Variants in PCDH7 observed in about 807,000 individuals in gnomAD.
PCDH7 encodes the protein protocadherin-7.
In PCDH7, 17 loss-of-function variants were observed where a neutral mutation model predicts 58.9. The observed-to-expected ratio is 0.29, with a 90% confidence interval of 0.20 to 0.43. The LOEUF (loss-of-function observed/expected upper bound fraction) is 0.43, where lower values mean the gene tolerates loss of function less well. PCDH7 is among the 20% of genes least tolerant of loss of function. PCDH7 has a pLI of 1.00. For synonymous variants in PCDH7, 664 were observed against 616.4 expected, an observed-to-expected ratio of 1.08 and a Z score of -1.14; for missense variants, 1,274 against 1,441.0, an observed-to-expected ratio of 0.88 and a Z score of 1.88.
intron 3 of PCDH7, among the ~76,000 whole-genome samples, chr4:31,056,737 G>A (rs779392784): frequency 4.0e-5 from 6 of 149,004 alleles, no homozygotes; most frequent in Middle Eastern, 3.5e-3. Context: ...AAAGAGAAAC[G>A]AAAGCAAAGA....
chr4:31,058,059 G>A (rs1757397697), intron 3 of PCDH7, among the ~76,000 whole-genome samples: 1 of 152,040 alleles, frequency 6.6e-6, no homozygotes, highest in African/African-American at 2.4e-5. Flanking sequence ...TGAAGTATCT[G>A]CTATAAAATA....
intron 3 of PCDH7, among the ~76,000 whole-genome samples, chr4:30,967,267 G>T (rs1749079231): frequency 6.6e-6 from 1 of 152,040 alleles, no homozygotes; most frequent in Non-Finnish European, 1.5e-5. Flanking sequence ...TATTTGGTTT[G>T]TATGAATTGT....
At chr4:31,008,393 C>G (rs1345376108) in intron 3 of PCDH7, among the ~76,000 whole-genome samples, 1 of 152,058 alleles carries the variant, frequency 6.6e-6, no homozygotes, top group African/African-American at 2.4e-5. Context: ...ACTTAGTTAA[C>G]TTGAATAACT....
At chr4:30,797,198 AG>A (rs1452815401) in intron 1 of PCDH7, among the ~76,000 whole-genome samples, 1 of 151,218 alleles carries the variant, frequency 6.6e-6, no homozygotes, top group Non-Finnish European at 1.5e-5. Flanking sequence ...TGCCTCCCAA[AG>A]TGCTGGGATT....
At chr4:30,939,834 T>C (rs895721692) in intron 2 of PCDH7, among the ~76,000 whole-genome samples, 6 of 152,112 alleles carry the variant, frequency 3.9e-5, no homozygotes, top group Non-Finnish European at 5.9e-5. Context: ...CTAAATTTGA[T>C]GTAGGAAAAC....
intron 1 of PCDH7, among the ~76,000 whole-genome samples, chr4:30,818,506 G>C (rs1184268003): frequency 6.6e-6 from 1 of 152,118 alleles, no homozygotes; most frequent in African/African-American, 2.4e-5. Flanking sequence ...TGTAATGAGA[G>C]AGCAGCTTTC....
At chr4:30,956,317 A>G (rs1747865824) in intron 3 of PCDH7, among the ~76,000 whole-genome samples, 1 of 152,212 alleles carries the variant, frequency 6.6e-6, no homozygotes, top group East Asian at 1.9e-4. Flanking sequence ...TTGTACCTGG[A>G]TTTGGTGATA....
chr4:30,733,495 G>A (rs1715811804), downstream of PCDH7, among the ~76,000 whole-genome samples: 1 of 152,084 alleles, frequency 6.6e-6, no homozygotes, highest in African/African-American at 2.4e-5. Context: ...GTCTCATTAT[G>A]TTGCCCAGGT....
chr4:31,001,343 G>C (rs1752348940), intron 3 of PCDH7, among the ~76,000 whole-genome samples: 1 of 151,990 alleles, frequency 6.6e-6, no homozygotes. Flanking sequence ...ATAAATATTA[G>C]TTAAAAATTT....
At chr4:30,842,999 G>T (rs78206660) in intron 1 of PCDH7, among the ~76,000 whole-genome samples, 5 of 151,168 alleles carry the variant, frequency 3.3e-5, no homozygotes, top group African/African-American at 9.7e-5. Flanking sequence ...ATGCAATGCC[G>T]CAACCCTAGC....
rs186785518 is a variant in PCDH7 at position 30,896,728 on chromosome 4, T to A, written c.71-23425T>A. On this transcript the variant is annotated intron_variant, in intron 1 of 3. Transcript: ENST00000509759. Reference sequence around the variant, plus strand: ...AAATATTTACTATATCTTGTACTAATAATTGTGTCATTATACTTCTTTCGT... The same window carrying A: ...AAATATTTACTATATCTTGTACTAAAAATTGTGTCATTATACTTCTTTCGT... Among the ~76,000 whole-genome samples, 78 of 152,058 alleles carry A rather than the reference T, an allele frequency of 5.1e-4. 1 individual carries two copies. In the East Asian group the frequency reaches 0.014, roughly 26 times the overall value.
intron 3 of PCDH7, among the ~76,000 whole-genome samples, chr4:31,104,674 GA>G (rs1436428175): frequency 1.3e-5 from 2 of 152,144 alleles, no homozygotes; most frequent in Admixed American, 1.3e-4. Flanking sequence ...TCCTAACACT[GA>G]GCTTTCTAAG....
chr4:31,000,070 G>A (rs1221521910), intron 3 of PCDH7, among the ~76,000 whole-genome samples: 1 of 152,076 alleles, frequency 6.6e-6, no homozygotes, highest in Non-Finnish European at 1.5e-5. Flanking sequence ...TTATGTGGCA[G>A]TATACAGCTG....
chr4:30,909,249 C>T (rs1741405246), intron 1 of PCDH7, among the ~76,000 whole-genome samples: 1 of 152,166 alleles, frequency 6.6e-6, no homozygotes, highest in Non-Finnish European at 1.5e-5. Flanking sequence ...AAGCTGGAAG[C>T]ATTCTGTTTG....
At chr4:31,130,798 A>T (rs897713897) in intron 3 of PCDH7, among the ~76,000 whole-genome samples, 8 of 152,086 alleles carry the variant, frequency 5.3e-5, no homozygotes, top group Admixed American at 5.2e-4. Context: ...TTATTCTTAC[A>T]TGGGCTTTTC....
At chr4:30,915,298 A>G (rs192487279) in intron 1 of PCDH7, among the ~76,000 whole-genome samples, 1 of 152,292 alleles carries the variant, frequency 6.6e-6, no homozygotes, top group Non-Finnish European at 1.5e-5. Flanking sequence ...TTGACAAGCC[A>G]ATCTTCTACT....
At chr4:30,869,277 T>C (rs561373579) in intron 1 of PCDH7, among the ~76,000 whole-genome samples, 5 of 146,706 alleles carry the variant, frequency 3.4e-5, no homozygotes, top group Admixed American at 1.4e-4. Flanking sequence ...AAAATAATTA[T>C]GTTGATTTAC....
intron 1 of PCDH7, among the ~76,000 whole-genome samples, chr4:30,849,825 G>A (rs1045439007): frequency 1.2e-4 from 18 of 151,976 alleles, no homozygotes; most frequent in African/African-American, 4.4e-4. Context: ...GGCAGAATAG[G>A]TTCTCCCATT....
intron 1 of PCDH7, among the ~76,000 whole-genome samples, chr4:30,769,028 A>G (rs1721076593): frequency 6.6e-6 from 1 of 152,232 alleles, no homozygotes. Context: ...TATTTAAAAT[A>G]ATTGAATCTA....
Sources: gnomAD v4.1 joint callset for allele counts (sites outside exome capture counted in the v4.1 genomes callset) on GRCh38, gnomAD v4.1.1 for gene constraint, MANE v1.5 for transcripts, NCBI Gene and HGNC (gene_info 2026-07-23, HGNC 2026-07-21) for gene names.